DPP6: variants seen among roughly 807,000 people sequenced by gnomAD.
DPP6 encodes the protein A-type potassium channel modulatory protein DPP6.
In DPP6, 69 loss-of-function variants were observed where a neutral mutation model predicts 122.6. The ratio of observed to expected loss-of-function variants is 0.56; its 90% confidence interval spans 0.46 to 0.69. The LOEUF (loss-of-function observed/expected upper bound fraction) is 0.69. DPP6 is among the 30% of genes least tolerant of loss of function. The pLI, the probability that DPP6 is intolerant of heterozygous loss-of-function variation, is 0.00. For missense variants in DPP6, 928 were observed against 1,116.9 expected (o/e 0.83, Z 2.41); for synonymous variants, 418 against 433.1 (o/e 0.97, Z 0.43).
chr7:154,092,450 T>C (rs933754644), intron 1 of DPP6: 4 of 150,850 alleles, frequency 2.7e-5, no homozygotes, highest in Non-Finnish European at 5.9e-5. Context: ...TTAATTTCCT[T>C]TCAACTAGAA....
At chr7:154,852,425 C>G (rs1802474380) in intron 16 of DPP6, among the ~76,000 whole-genome samples, 1 of 151,680 alleles carries the variant, frequency 6.6e-6, no homozygotes, top group Admixed American at 6.6e-5. Context: ...TCCTCTTTCT[C>G]CCTGCATCTT....
intron 3 of DPP6, among the ~76,000 whole-genome samples, chr7:154,521,332 T>C (rs1311897608): frequency 6.6e-6 from 1 of 152,084 alleles, no homozygotes; most frequent in Non-Finnish European, 1.5e-5. Context: ...GAAAAAATAA[T>C]TTGCAAAAAC....
chr7:154,798,645 G>A (rs2150442147), intron 12 of DPP6, among the ~76,000 whole-genome samples: 1 of 152,340 alleles, frequency 6.6e-6, no homozygotes, highest in South Asian at 2.1e-4. Flanking sequence ...GTGACACTGG[G>A]TTGGGGCATC....
At chr7:154,394,353 A>C (rs991953087) in intron 1 of DPP6, among the ~76,000 whole-genome samples, 1 of 152,148 alleles carries the variant, frequency 6.6e-6, no homozygotes, top group Non-Finnish European at 1.5e-5. Flanking sequence ...GGTGTTGAGC[A>C]TCATTTCATA....
intron 1 of DPP6, among the ~76,000 whole-genome samples, chr7:153,900,419 G>C: frequency 6.6e-6 from 1 of 152,132 alleles, no homozygotes; most frequent in East Asian, 1.9e-4. Flanking sequence ...TCTGCAAGCT[G>C]TACAAGAAGC....
chr7:154,310,462 A>G (rs1806770697), intron 1 of DPP6, among the ~76,000 whole-genome samples: 1 of 152,218 alleles, frequency 6.6e-6, no homozygotes, highest in South Asian at 2.1e-4. Flanking sequence ...GACAAATGAT[A>G]CCCAGATTGG....
intron 1 of DPP6, among the ~76,000 whole-genome samples, chr7:153,953,003 C>T (rs1477935813): frequency 6.6e-6 from 1 of 152,118 alleles, no homozygotes; most frequent in African/African-American, 2.4e-5. Context: ...TCCTGTATTA[C>T]AATCTTATAA....
intron 1 of DPP6, among the ~76,000 whole-genome samples, chr7:154,277,999 G>A (rs1246144229): frequency 6.6e-6 from 1 of 152,168 alleles, no homozygotes; most frequent in South Asian, 2.1e-4. Context: ...ACTCAAGTGA[G>A]GAAGGACCAT....
chr7:154,640,936 G>GT (rs952241580), intron 6 of DPP6, among the ~76,000 whole-genome samples: 1 of 152,126 alleles, frequency 6.6e-6, no homozygotes. Flanking sequence ...CTTCAGGATG[G>GT]TTTTGTCATT....
chr7:154,212,795 A>G (rs1218352512), intron 1 of DPP6, among the ~76,000 whole-genome samples: 3 of 152,202 alleles, frequency 2.0e-5, no homozygotes, highest in Non-Finnish European at 4.4e-5. Flanking sequence ...TTAGAATGCA[A>G]GATGGCAGGT....
At chr7:154,112,030 C>A (rs995500003) in intron 1 of DPP6, among the ~76,000 whole-genome samples, 1 of 152,164 alleles carries the variant, frequency 6.6e-6, no homozygotes, top group African/African-American at 2.4e-5. Context: ...CCCTCCTTTA[C>A]TCTCCCAGAT....
chr7:154,108,079 CT>C (rs1349291348), intron 1 of DPP6, among the ~76,000 whole-genome samples: 1 of 152,186 alleles, frequency 6.6e-6, no homozygotes, highest in Non-Finnish European at 1.5e-5. Context: ...AAAGGGGCAC[CT>C]TGTCCCTCAG....
intron 1 of DPP6, among the ~76,000 whole-genome samples, chr7:154,018,308 G>T: frequency 6.6e-6 from 1 of 151,986 alleles, no homozygotes; most frequent in East Asian, 1.9e-4. Flanking sequence ...ATGATCTTGA[G>T]ATCAATAAGG....
At position 154,560,205 on chromosome 7, in the gene DPP6, A is replaced by C. The variant is rs146411447; in HGVS notation, c.553-6637A>C. ...GTGGAAATTTTTGTAGAATTAGTTAACTAGTTCTTTAAAATATCCTTCCTT... is the reference window on the plus strand; with the variant it reads ...GTGGAAATTTTTGTAGAATTAGTTACCTAGTTCTTTAAAATATCCTTCCTT... On this transcript the variant is annotated intron_variant, in intron 4 of 25. Transcript: ENST00000377770. Among the ~76,000 whole-genome samples the C allele has an allele frequency of 8.1e-3, 1,240 of 152,180 alleles. 20 individuals are homozygous for C. The highest frequency in any genetic ancestry group is 0.015 in the South Asian group (70 of 4,818).
At chr7:154,419,984 G>A (rs753000910) in intron 1 of DPP6, among the ~76,000 whole-genome samples, 3 of 152,140 alleles carry the variant, frequency 2.0e-5, no homozygotes, top group South Asian at 2.1e-4. Context: ...TGCCTTTGAC[G>A]GATGGTTGGG....
chr7:153,907,578 A>G (rs1286274934), intron 1 of DPP6, among the ~76,000 whole-genome samples: 1 of 152,208 alleles, frequency 6.6e-6, no homozygotes, highest in Non-Finnish European at 1.5e-5. Flanking sequence ...GATGAGATGA[A>G]CATTTAAATC....
chr7:154,493,581 A>T (rs1824474589), intron 3 of DPP6, among the ~76,000 whole-genome samples: 1 of 152,138 alleles, frequency 6.6e-6, no homozygotes, highest in African/African-American at 2.4e-5. Context: ...GAAAATAGTT[A>T]TTGTATGATG....
At chr7:154,516,546 A>G (rs991807373) in intron 3 of DPP6, among the ~76,000 whole-genome samples, 20 of 152,226 alleles carry the variant, frequency 1.3e-4, no homozygotes, top group African/African-American at 4.6e-4. Flanking sequence ...GAAAGAGGAA[A>G]ACAACCAGGC....
chr7:154,166,479 T>G (rs915562765), intron 1 of DPP6, among the ~76,000 whole-genome samples: 1 of 151,698 alleles, frequency 6.6e-6, no homozygotes, highest in Non-Finnish European at 1.5e-5. Context: ...TGGCAGGGAG[T>G]GCTAGTAAAC....
Sources: allele counts gnomAD v4.1 joint callset (sites outside exome capture counted in the v4.1 genomes callset), GRCh38; gene constraint gnomAD v4.1.1; transcripts MANE v1.5; gene names NCBI Gene and HGNC (gene_info 2026-07-23, HGNC 2026-07-21).